The following RORA variants were observed in gnomAD, a reference collection of about 807,000 sequenced individuals.
RORA encodes the protein nuclear receptor ROR-alpha.
A neutral mutation model predicts 69.5 loss-of-function variants in RORA; 7 were observed. The ratio of observed to expected loss-of-function variants is 0.10; its 90% CI spans 0.06 to 0.19. RORA has a LOEUF of 0.19. RORA is among the 10% of genes least tolerant of loss of function. The probability of loss-of-function intolerance (pLI) is 1.00; values close to 1 mark genes in which losing one functional copy is unlikely to be tolerated. For synonymous variants in RORA, 261 were observed against 240.8 expected, an observed-to-expected ratio of 1.08 and a Z score of -0.78; for missense variants, 457 against 663.0, an observed-to-expected ratio of 0.69 and a Z score of 3.41.
intron 1 of RORA, among the ~76,000 whole-genome samples, chr15:60,932,174 CA>C (rs1181896444): frequency 1.3e-5 from 2 of 151,922 alleles, no homozygotes; most frequent in Admixed American, 6.6e-5. Context: ...TTGAAATGTC[CA>C]AGATTACTAA....
intron 1 of RORA, among the ~76,000 whole-genome samples, chr15:60,846,277 A>G (rs1454132327): frequency 6.6e-6 from 1 of 152,230 alleles, no homozygotes; most frequent in Non-Finnish European, 1.5e-5. Flanking sequence ...ACTGTGATTT[A>G]TCATTGCATA....
chr15:61,191,205 C>T (rs1458968439), intron 1 of RORA, among the ~76,000 whole-genome samples: 1 of 152,148 alleles, frequency 6.6e-6, no homozygotes, highest in Non-Finnish European at 1.5e-5. Flanking sequence ...AATAGCTGCA[C>T]TTTCCTTGCA....
intron 1 of RORA, among the ~76,000 whole-genome samples, chr15:61,107,963 G>C (rs961012292): frequency 6.6e-6 from 1 of 152,160 alleles, no homozygotes; most frequent in Non-Finnish European, 1.5e-5. Context: ...TAATAACTCT[G>C]TATTGACCAG....
intron 1 of RORA, among the ~76,000 whole-genome samples, chr15:61,173,227 C>T (rs1470069617): frequency 6.6e-6 from 1 of 152,130 alleles, no homozygotes; most frequent in African/African-American, 2.4e-5. Flanking sequence ...CACAGCAGTG[C>T]AGTAACTTGC....
intron 1 of RORA, among the ~76,000 whole-genome samples, chr15:61,154,819 A>G (rs2079428521): frequency 1.3e-5 from 2 of 152,114 alleles, no homozygotes; most frequent in South Asian, 4.1e-4. Flanking sequence ...GGCAAAAAAT[A>G]CACACTGACA....
chr15:60,819,844 TCA>T (rs1412838313), intron 1 of RORA, among the ~76,000 whole-genome samples: 1 of 151,508 alleles, frequency 6.6e-6, no homozygotes, highest in African/African-American at 2.4e-5. Flanking sequence ...CTGCCCTGTC[TCA>T]GAGTGAGGAC....
intron 2 of RORA, among the ~76,000 whole-genome samples, chr15:60,656,860 A>G (rs867302093): frequency 2.0e-5 from 3 of 152,214 alleles, no homozygotes; most frequent in Non-Finnish European, 4.4e-5. Flanking sequence ...GGCTTGCTCT[A>G]AGATAAAAAT....
chr15:60,593,585 A>G (rs2068600451), intron 2 of RORA: 4 of 152,194 alleles, frequency 2.6e-5, no homozygotes, highest in Admixed American at 2.6e-4. Flanking sequence ...TCTCTTTACA[A>G]TGAATTTCAG....
chr15:60,956,555 C>G (rs530613666), intron 1 of RORA, among the ~76,000 whole-genome samples: 1 of 152,148 alleles, frequency 6.6e-6, no homozygotes, highest in Non-Finnish European at 1.5e-5. Flanking sequence ...CATGTCTGTA[C>G]GATGCACTAG....
chr15:60,593,791 C>T (rs2068606816), intron 2 of RORA, among the ~76,000 whole-genome samples: 1 of 152,138 alleles, frequency 6.6e-6, no homozygotes, highest in Non-Finnish European at 1.5e-5. Context: ...TTAGCTGTTG[C>T]ATTCATGATG....
At chr15:61,196,390 A>G (rs2079845703) in intron 1 of RORA, among the ~76,000 whole-genome samples, 1 of 152,362 alleles carries the variant, frequency 6.6e-6, no homozygotes, top group South Asian at 2.1e-4. Flanking sequence ...AGGGATGGAA[A>G]AGCCTCCTTC....
chr15:61,080,049 G>A (rs908341623), intron 1 of RORA, among the ~76,000 whole-genome samples: 3 of 152,180 alleles, frequency 2.0e-5, no homozygotes, highest in African/African-American at 7.2e-5. Flanking sequence ...CAAGGACCTA[G>A]CACACAGTTG....
chr15:60,892,167 T>A (rs2073819413), intron 1 of RORA, among the ~76,000 whole-genome samples: 1 of 152,138 alleles, frequency 6.6e-6, no homozygotes. Context: ...GGCCAACATC[T>A]TCATTAGGCA....
At chr15:60,910,210 G>T (rs967905768) in intron 1 of RORA, among the ~76,000 whole-genome samples, 3 of 152,198 alleles carry the variant, frequency 2.0e-5, no homozygotes, top group Admixed American at 6.5e-5. Context: ...AACAGAGTGA[G>T]ATATGTGAAC....
At chr15:60,878,111 G>A (rs1298988273) in intron 1 of RORA, among the ~76,000 whole-genome samples, 1 of 149,064 alleles carries the variant, frequency 6.7e-6, no homozygotes. Flanking sequence ...CGGATCACGA[G>A]GTCAGGAGAT....
At chr15:60,992,525 C>T (rs1894413106) in intron 1 of RORA, among the ~76,000 whole-genome samples, 1 of 152,200 alleles carries the variant, frequency 6.6e-6, no homozygotes, top group South Asian at 2.1e-4. Flanking sequence ...CTATCCCCCA[C>T]AAGTGGGTAT....
At chr15:61,218,072 T>C (rs1025945058) in intron 1 of RORA, among the ~76,000 whole-genome samples, 1 of 152,092 alleles carries the variant, frequency 6.6e-6, no homozygotes, top group African/African-American at 2.4e-5. Context: ...GGCTCATAAA[T>C]AGATCATGAA....
At chr15:61,006,546 T>C (rs1373753521) in intron 1 of RORA, among the ~76,000 whole-genome samples, 1 of 152,070 alleles carries the variant, frequency 6.6e-6, no homozygotes, top group Non-Finnish European at 1.5e-5. Context: ...CTCCATGAAG[T>C]GACAAATAAA....
intron 2 of RORA, among the ~76,000 whole-genome samples, chr15:60,653,202 C>G (rs755873735): frequency 1.2e-4 from 19 of 152,002 alleles, no homozygotes; most frequent in Admixed American, 6.5e-5. Context: ...AAGCCCAAAC[C>G]CTTATTAGAG....
Sources: allele counts gnomAD v4.1 joint callset (sites outside exome capture counted in the v4.1 genomes callset), GRCh38; gene constraint gnomAD v4.1.1; transcripts MANE v1.5; gene names NCBI Gene and HGNC (gene_info 2026-07-23, HGNC 2026-07-21).